The following PACSIN1 variants were observed in gnomAD, a reference collection of about 807,000 sequenced individuals.
PACSIN1 encodes protein kinase C and casein kinase substrate in neurons 1.
A neutral mutation model predicts 59.5 loss-of-function variants in PACSIN1; 15 were observed. That is an observed-to-expected ratio of 0.25 (90% CI 0.17 to 0.39). PACSIN1 has a LOEUF of 0.39. PACSIN1 is among the 10% of genes least tolerant of loss of function. The probability of loss-of-function intolerance (pLI) is 1.00; values close to 1 mark genes in which losing one functional copy is unlikely to be tolerated. For missense variants in PACSIN1, 420 were observed against 580.2 expected (o/e 0.72, Z 2.84); for synonymous variants, 210 against 220.6 (o/e 0.95, Z 0.42).
At chr6:34,486,720 C>T (rs986650906) in intron 1 of PACSIN1, among the ~76,000 whole-genome samples, 2 of 152,120 alleles carry the variant, frequency 1.3e-5, no homozygotes, top group African/African-American at 4.8e-5. Context: ...CTCCGTGGGC[C>T]CCTCTCTTTC....
At chr6:34,508,867 T>G (rs73407707) in intron 1 of PACSIN1, among the ~76,000 whole-genome samples, 13,753 of 152,246 alleles carry the variant, frequency 0.09, 674 homozygotes, top group African/African-American at 0.11. Flanking sequence ...TTTTAAATTT[T>G]TTTTAAGCTA....
rs1360766172 is a variant in PACSIN1, at chr6:34,518,986, G to C, written c.-63-7257G>C. Among the ~76,000 whole-genome samples the C allele has an allele frequency of 1.3e-5, 2 of 152,172 alleles. No homozygotes were observed. Among genetic ancestry groups the C allele is most frequent in the Non-Finnish European group, 2.9e-5 (2 of 68,036 alleles). Reference sequence around the variant, plus strand: ...GCTTGAGAGCAGGGGAGGGATGTGGGCCTTTTGGGGTGATTTTCTGGAGGA... The same window carrying C: ...GCTTGAGAGCAGGGGAGGGATGTGGCCCTTTTGGGGTGATTTTCTGGAGGA... On this transcript the variant is annotated intron_variant, in intron 1 of 9. Coordinates refer to ENST00000244458, the MANE Select transcript of PACSIN1 (RefSeq NM_020804.5). The surrounding 1 kb of genome is among the most constrained non-coding windows in gnomAD (Gnocchi z 4.4).
intron 1 of PACSIN1, among the ~76,000 whole-genome samples, chr6:34,479,121 C>T (rs1766680614): frequency 6.6e-6 from 1 of 152,226 alleles, no homozygotes; most frequent in Non-Finnish European, 1.5e-5. Context: ...ACACCTCTCA[C>T]TAGGCCCTAC....
chr6:34,482,662 G>A (rs1315260798), intron 1 of PACSIN1, among the ~76,000 whole-genome samples: 2 of 146,454 alleles, frequency 1.4e-5, no homozygotes. Context: ...GGGTCATATG[G>A]TAACTCTATG....
intron 1 of PACSIN1, among the ~76,000 whole-genome samples, chr6:34,503,577 C>T (rs557315060): frequency 4.7e-4 from 72 of 152,238 alleles, no homozygotes; most frequent in Admixed American, 9.8e-4. Context: ...TAATTCCCCT[C>T]AGGTACCAGA....
At chr6:34,509,855 T>C (rs1261449960) in intron 1 of PACSIN1, among the ~76,000 whole-genome samples, 1 of 152,232 alleles carries the variant, frequency 6.6e-6, no homozygotes, top group Admixed American at 6.5e-5. Flanking sequence ...TAAATTTTTT[T>C]CAGAAATTCA....
At chr6:34,470,527 C>T (rs1215730635) in intron 1 of PACSIN1, among the ~76,000 whole-genome samples, 1 of 151,294 alleles carries the variant, frequency 6.6e-6, no homozygotes, top group Non-Finnish European at 1.5e-5. Context: ...TAATTATTTT[C>T]TTTTTAGAGG....
chr6:34,472,317 C>T (rs1766583295), intron 1 of PACSIN1, among the ~76,000 whole-genome samples: 1 of 140,504 alleles, frequency 7.1e-6, no homozygotes, highest in East Asian at 2.1e-4. Context: ...TAGTATGATA[C>T]AATTTTTAAA....
In PACSIN1 at chr6:34,514,743, G is replaced by A. The variant is rs191532975; in HGVS notation, c.-63-11500G>A. ...GGCATCCCCTGCTGTACATGGGAGGGAGGCTGTCTGTGCAGAGCATTGCCC... is the reference window on the plus strand; with the variant it reads ...GGCATCCCCTGCTGTACATGGGAGGAAGGCTGTCTGTGCAGAGCATTGCCC... On this transcript the variant is annotated intron_variant, in intron 1 of 9. Transcript: ENST00000244458. The surrounding 1 kb of genome is among the most constrained non-coding windows in gnomAD (Gnocchi z 4.4). The A allele has an allele frequency of 2.0e-5, 3 of 152,664 alleles. No individual in the cohort carries two copies. In the East Asian group the frequency reaches 5.8e-4, roughly 29 times the overall value. 9.5% of individuals were successfully genotyped at this position (152,664 alleles called of 1,614,324 possible).
intron 1 of PACSIN1, among the ~76,000 whole-genome samples, chr6:34,473,812 C>G (rs1176181364): frequency 6.6e-6 from 1 of 152,156 alleles, no homozygotes; most frequent in Non-Finnish European, 1.5e-5. Flanking sequence ...TCAACAGATA[C>G]CAACACATGT....
Position 34,516,035 on chromosome 6 carries a change from G to A in PACSIN1, c.-63-10208G>A, listed in dbSNP as rs905821520. Reference sequence around the variant, plus strand: ...CCTGAATGGAGCTGAGCCACCTTGGGTGGCATAGGGAGGAGATGCTAGCCT... The same window carrying A: ...CCTGAATGGAGCTGAGCCACCTTGGATGGCATAGGGAGGAGATGCTAGCCT... On this transcript the variant is annotated intron_variant, in intron 1 of 9. Coordinates refer to ENST00000244458, the MANE Select transcript of PACSIN1 (RefSeq NM_020804.5). This position sits in a 1 kb window ranked among gnomAD's most constrained non-coding sequence, Gnocchi z 5.4. Among the ~76,000 whole-genome samples, 1 of 152,168 alleles carries A rather than the reference G, an allele frequency of 6.6e-6. No individual in the cohort carries two copies. Among genetic ancestry groups the A allele is most frequent in the Non-Finnish European group, 1.5e-5 (1 of 68,022 alleles).
At chr6:34,522,024 C>T (rs2127270250) in intron 1 of PACSIN1, among the ~76,000 whole-genome samples, 1 of 152,328 alleles carries the variant, frequency 6.6e-6, no homozygotes, top group Non-Finnish European at 1.5e-5. Context: ...CTTGGCTTAC[C>T]TCTCTGAGTC....
chr6:34,525,156 C>A lies in PACSIN1; in HGVS notation c.-63-1087C>A, dbSNP rs1767460927. 1.3e-5 allele frequency among the ~76,000 whole-genome samples: 2 copies of A among 152,236 alleles called. No homozygotes were observed. The highest frequency in any genetic ancestry group is 4.1e-4 in the South Asian group (2 of 4,830). Reference sequence around the variant, plus strand: ...TCCCTTGATGAAATCCAGCCGTCCTCCCTCTCACCCACCCGCACTGTGCGT... The same window carrying A: ...TCCCTTGATGAAATCCAGCCGTCCTACCTCTCACCCACCCGCACTGTGCGT... On this transcript the variant is annotated intron_variant, in intron 1 of 9. Coordinates refer to ENST00000244458, the MANE Select transcript of PACSIN1 (RefSeq NM_020804.5). This position sits in a 1 kb window ranked among gnomAD's most constrained non-coding sequence, Gnocchi z 4.9.
intron 1 of PACSIN1, among the ~76,000 whole-genome samples, chr6:34,505,614 T>TA (rs1321966684): frequency 6.7e-6 from 1 of 148,174 alleles, no homozygotes; most frequent in Non-Finnish European, 1.5e-5. Flanking sequence ...TACTTTTTTT[T>TA]ATCTCTTACC....
At chr6:34,479,946 C>G (rs1766691578) in intron 1 of PACSIN1, among the ~76,000 whole-genome samples, 1 of 151,968 alleles carries the variant, frequency 6.6e-6, no homozygotes, top group African/African-American at 2.4e-5. Flanking sequence ...CTGCCTCAGC[C>G]TCCATAGTAG....
At chr6:34,483,129 C>T (rs1766744929) in intron 1 of PACSIN1, among the ~76,000 whole-genome samples, 1 of 151,846 alleles carries the variant, frequency 6.6e-6, no homozygotes, top group Non-Finnish European at 1.5e-5. Context: ...CTCAGCCTCC[C>T]AAGTAGCTGG....
At chr6:34,513,025 G>A (rs1028454104) in intron 1 of PACSIN1, among the ~76,000 whole-genome samples, 5 of 152,142 alleles carry the variant, frequency 3.3e-5, no homozygotes, top group African/African-American at 1.2e-4. Flanking sequence ...TGGGCTTTCC[G>A]AGAACCCACT....
At chr6:34,492,023 C>T (rs1245276517) in intron 1 of PACSIN1, among the ~76,000 whole-genome samples, 2 of 151,984 alleles carry the variant, frequency 1.3e-5, no homozygotes, top group Admixed American at 6.6e-5. Flanking sequence ...TGTTTTTCTC[C>T]GGGTATATAC....
At chr6:34,508,946 T>G (rs1364829793) in intron 1 of PACSIN1, among the ~76,000 whole-genome samples, 3 of 152,224 alleles carry the variant, frequency 2.0e-5, no homozygotes, top group Admixed American at 6.5e-5. Context: ...TTGCAATTTT[T>G]TTCCCCCATT....
Sources: gnomAD v4.1 joint callset for allele counts (sites outside exome capture counted in the v4.1 genomes callset) on GRCh38, gnomAD v4.1.1 for gene constraint, Gnocchi (gnomAD v3.1) non-coding constraint, MANE v1.5 for transcripts, NCBI Gene and HGNC (gene_info 2026-07-23, HGNC 2026-07-21) for gene names.